PDE4D: variants seen among roughly 807,000 people sequenced by gnomAD.
The protein encoded by PDE4D is 3',5'-cyclic-AMP phosphodiesterase 4D.
In PDE4D, 24 loss-of-function variants were observed where a neutral mutation model predicts 87.4. That is an observed-to-expected ratio of 0.27 (90% CI 0.20 to 0.39). PDE4D has a LOEUF of 0.39. Among genes scored for constraint, PDE4D ranks in the 10% least tolerant of loss-of-function variants. The pLI is 1.00. For missense variants in PDE4D, 714 were observed against 1,041.0 expected, an observed-to-expected ratio of 0.69 and a Z score of 4.32; for synonymous variants, 384 against 383.2, an observed-to-expected ratio of 1.00 and a Z score of -0.02.
chr5:59,906,232 T>G (rs1752795310), intron 3 of PDE4D, among the ~76,000 whole-genome samples: 1 of 152,302 alleles, frequency 6.6e-6, no homozygotes, highest in South Asian at 2.1e-4. Flanking sequence ...CAAAGCGTTT[T>G]ACATTTCTTT....
chr5:59,855,131 C>A (rs973184367), intron 1 of PDE4D, among the ~76,000 whole-genome samples: 3 of 152,086 alleles, frequency 2.0e-5, no homozygotes, highest in Non-Finnish European at 2.9e-5. Context: ...AACCAGCTCC[C>A]TGGCAATGCT....
intron 1 of PDE4D, among the ~76,000 whole-genome samples, chr5:59,771,165 A>C (rs1305952130): frequency 6.6e-6 from 1 of 151,038 alleles, no homozygotes. Context: ...ATAAATAAAT[A>C]AAAAGGTTAG....
At chr5:60,079,195 T>C (rs1295691767) in intron 2 of PDE4D, among the ~76,000 whole-genome samples, 1 of 152,234 alleles carries the variant, frequency 6.6e-6, no homozygotes, top group African/African-American at 2.4e-5. Flanking sequence ...TTTTGAGAAG[T>C]GTCTGTTCAT....
intron 1 of PDE4D, among the ~76,000 whole-genome samples, chr5:59,321,306 T>C (rs1774688453): frequency 6.6e-6 from 1 of 152,074 alleles, no homozygotes; most frequent in Non-Finnish European, 1.5e-5. Flanking sequence ...CTTCCTCCTA[T>C]AATGTGTAAT....
At chr5:59,896,796 A>T (rs1751705017), upstream of PDE4D, among the ~76,000 whole-genome samples, 1 of 152,186 alleles carries the variant, frequency 6.6e-6, no homozygotes, top group Non-Finnish European at 1.5e-5. Flanking sequence ...GTATTACTCT[A>T]GTTGCCTCTA....
At chr5:59,994,144 T>A (rs796989322) in intron 2 of PDE4D, among the ~76,000 whole-genome samples, 1 of 151,956 alleles carries the variant, frequency 6.6e-6, no homozygotes. Flanking sequence ...AATAAACTAC[T>A]TAATGGCCTT....
chr5:59,272,274 A>G (rs1763974131), intron 1 of PDE4D, among the ~76,000 whole-genome samples: 1 of 152,102 alleles, frequency 6.6e-6, no homozygotes, highest in Non-Finnish European at 1.5e-5. Context: ...TGTTTTACTT[A>G]CTTAAACTAA....
chr5:60,227,770 T>C (rs947055827), intron 1 of PDE4D, among the ~76,000 whole-genome samples: 3 of 152,148 alleles, frequency 2.0e-5, no homozygotes, highest in African/African-American at 7.2e-5. Flanking sequence ...TTTTTACAAA[T>C]TGTCAGTCTT....
At chr5:59,723,855 T>C (rs1369334465) in intron 1 of PDE4D, among the ~76,000 whole-genome samples, 1 of 152,192 alleles carries the variant, frequency 6.6e-6, no homozygotes, top group African/African-American at 2.4e-5. Context: ...TTTCTCCTTG[T>C]AGTTAATTAC....
At chr5:59,756,515 C>A (rs1761243126) in intron 1 of PDE4D, among the ~76,000 whole-genome samples, 1 of 151,302 alleles carries the variant, frequency 6.6e-6, no homozygotes, top group Admixed American at 6.6e-5. Context: ...AACATACACA[C>A]ACACACACAC....
At chr5:60,056,838 A>G (rs1770830242) in intron 2 of PDE4D, among the ~76,000 whole-genome samples, 1 of 152,044 alleles carries the variant, frequency 6.6e-6, no homozygotes, top group Admixed American at 6.6e-5. Flanking sequence ...ACACATACAC[A>G]CACAAACATG....
chr5:60,445,438 A>G (rs906952084), intron 1 of PDE4D, among the ~76,000 whole-genome samples: 1 of 152,208 alleles, frequency 6.6e-6, no homozygotes, highest in African/African-American at 2.4e-5. Context: ...ATCTGAGAAA[A>G]ATATAAAGTT....
intron 1 of PDE4D, among the ~76,000 whole-genome samples, chr5:59,838,623 C>A (rs1328751833): frequency 6.6e-6 from 1 of 151,942 alleles, no homozygotes; most frequent in Admixed American, 6.6e-5. Context: ...ACTTTTTTTC[C>A]ATGACCCTTA....
chr5:59,320,456 T>C (rs932337573), intron 1 of PDE4D, among the ~76,000 whole-genome samples: 2 of 152,066 alleles, frequency 1.3e-5, no homozygotes, highest in African/African-American at 2.4e-5. Flanking sequence ...GAGAAACCCA[T>C]ACACAGGAGG....
intron 1 of PDE4D, among the ~76,000 whole-genome samples, chr5:60,222,713 A>T (rs1366741711): frequency 6.6e-6 from 1 of 152,100 alleles, no homozygotes; most frequent in African/African-American, 2.4e-5. Context: ...GTTTAAATTT[A>T]TATCTCTCTG....
At chr5:59,668,794 GAAGAAGAAGA>G (rs1318687124) in intron 1 of PDE4D, among the ~76,000 whole-genome samples, 3 of 132,920 alleles carry the variant, frequency 2.3e-5, no homozygotes, top group African/African-American at 5.8e-5. Flanking sequence ...GAAGAAGAAA[GAAGAAGAAGA>G]AAGAAGAAGA....
intron 1 of PDE4D, among the ~76,000 whole-genome samples, chr5:59,852,463 C>T (rs1366071958): frequency 6.6e-6 from 1 of 152,048 alleles, no homozygotes; most frequent in Non-Finnish European, 1.5e-5. Flanking sequence ...GACCACCCAA[C>T]AAAGAATTGA....
intron 3 of PDE4D, among the ~76,000 whole-genome samples, chr5:59,907,625 A>G (rs1752982653): frequency 6.6e-6 from 1 of 152,302 alleles, no homozygotes; most frequent in East Asian, 1.9e-4. Flanking sequence ...CTATGTGGCA[A>G]GTTCTATCAC....
At chr5:59,138,714 CT>C (rs991022008) in intron 5 of PDE4D, among the ~76,000 whole-genome samples, 1 of 152,144 alleles carries the variant, frequency 6.6e-6, no homozygotes, top group Non-Finnish European at 1.5e-5. Context: ...ATTTTGCCCC[CT>C]GTATCATCCA....
Sources: gnomAD v4.1 joint callset for allele counts (sites outside exome capture counted in the v4.1 genomes callset) on GRCh38, gnomAD v4.1.1 for gene constraint, MANE v1.5 for transcripts, NCBI Gene and HGNC (gene_info 2026-07-23, HGNC 2026-07-21) for gene names.